Variants in SPAG17 observed in about 807,000 individuals in gnomAD.
The protein encoded by SPAG17 is sperm associated antigen 17.
SPAG17 carries 169 observed loss-of-function variants against 273.6 expected under a neutral mutation model. The ratio of observed to expected loss-of-function variants is 0.62; its 90% CI spans 0.55 to 0.70. The LOEUF (loss-of-function observed/expected upper bound fraction) is 0.70. Ranked by LOEUF, SPAG17 falls within the 30% of genes least tolerant of loss-of-function variation. SPAG17 has a pLI of 0.00. For synonymous variants in SPAG17, 825 were observed against 873.2 expected, an observed-to-expected ratio of 0.94 and a Z score of 0.97; for missense variants, 2,557 against 2,627.8, an observed-to-expected ratio of 0.97 and a Z score of 0.59.
At chr1:118,135,720 T>C (rs143539371) in intron 3 of SPAG17, among the ~76,000 whole-genome samples, 1 of 152,314 alleles carries the variant, frequency 6.6e-6, no homozygotes, top group African/African-American at 2.4e-5. Flanking sequence ...CGCAAATTTC[T>C]GAGGCCAAAT....
chr1:118,097,814 T>C lies in SPAG17; in HGVS notation c.867A>G (p.Ile289Met), dbSNP rs1434976723. 3 of 1,596,978 alleles carry C rather than the reference T, an allele frequency of 1.9e-6. No individual in the cohort carries two copies. Among genetic ancestry groups the C allele is most frequent in the Non-Finnish European group, 1.7e-6 (2 of 1,175,096 alleles). Residue 289 changes from isoleucine (I) to methionine (M), a missense_variant, in exon 7 of 49, where the codon ATA becomes ATG. Ile to Met is a conservative substitution (Grantham distance 10, BLOSUM62 1). Coordinates refer to ENST00000336338, the MANE Select transcript of SPAG17 (RefSeq NM_206996.4). ...ACTTCCAGAAAGTTTTAAGCTCTTT[T>C]ATGGCATTTTCTTTCTTCAATTTTT... ...EAEKLKKENAIKELKTFWKYL... is the reference protein window; with the variant it reads ...EAEKLKKENAMKELKTFWKYL...
intron 1 of SPAG17, among the ~76,000 whole-genome samples, chr1:118,179,605 G>A (rs1176001758): frequency 6.6e-6 from 1 of 151,886 alleles, no homozygotes; most frequent in African/African-American, 2.4e-5. Flanking sequence ...ATCATATCAA[G>A]TTAAAAAGCT....
At chr1:118,172,146 C>T (rs142757258) in intron 1 of SPAG17, among the ~76,000 whole-genome samples, 28 of 152,248 alleles carry the variant, frequency 1.8e-4, no homozygotes, top group African/African-American at 6.0e-4. Flanking sequence ...GAAGCAAGAC[C>T]TAGCAGTCTC....
intron 30 of SPAG17, among the ~76,000 whole-genome samples, chr1:118,010,995 G>A (rs1271947803): frequency 6.6e-6 from 1 of 152,146 alleles, no homozygotes; most frequent in African/African-American, 2.4e-5. Flanking sequence ...GAACATTAGA[G>A]AAATGCAAAT....
At chr1:118,168,735 C>T (rs1219408543) in intron 1 of SPAG17, among the ~76,000 whole-genome samples, 1 of 152,112 alleles carries the variant, frequency 6.6e-6, no homozygotes, top group African/African-American at 2.4e-5. Flanking sequence ...AGGTAACAAT[C>T]ATTGAAGTAG....
chr1:118,001,790 T>C (rs889245844), intron 32 of SPAG17, among the ~76,000 whole-genome samples: 2 of 152,212 alleles, frequency 1.3e-5, no homozygotes, highest in African/African-American at 2.4e-5. Flanking sequence ...AATTCATTGA[T>C]TTTTTGAAGG....
At chr1:118,042,209 T>C (rs145745806) in intron 20 of SPAG17, among the ~76,000 whole-genome samples, 167 bp from the exon 21 acceptor site, 1 of 152,186 alleles carries the variant, frequency 6.6e-6, no homozygotes, top group Non-Finnish European at 1.5e-5. Context: ...TCTTTCTCAC[T>C]CAACTTCTGT....
rs757004165 is a variant in SPAG17, at chr1:118,025,409, A to G, written c.3738T>C (p.Tyr1246=). The part of the protein sequence containing the change: ...TFIGQESTGQ[Y]VIDEEPTWDI... ...CCCAGGTGGGTTCCTCATCTATAAC[A>G]TATTGACCTAAAAAAAGAATAAAGC... Residue 1246 remains tyrosine, a synonymous_variant, in exon 27 of 49, where the codon TAT becomes TAC. Coordinates refer to ENST00000336338, the MANE Select transcript of SPAG17 (RefSeq NM_206996.4). 3.6e-5 allele frequency: 55 copies of G among 1,542,374 alleles called. No homozygotes were observed. The highest frequency in any genetic ancestry group is 5.6e-5 in the African/African-American group (4 of 71,562).
At chr1:117,994,831 T>C (rs1301518813) in intron 34 of SPAG17, among the ~76,000 whole-genome samples, 1 of 152,082 alleles carries the variant, frequency 6.6e-6, no homozygotes, top group Non-Finnish European at 1.5e-5. Context: ...AGTCCATCTT[T>C]TTCCCTCTCT....
At chr1:118,056,701 A>G (rs940015187) in intron 18 of SPAG17, among the ~76,000 whole-genome samples, 33 of 152,238 alleles carry the variant, frequency 2.2e-4, no homozygotes, top group Non-Finnish European at 4.4e-4. Context: ...TAGATGGCTT[A>G]TATACTCAGG....
At chr1:118,105,403 T>C (rs1656334386) in intron 4 of SPAG17, among the ~76,000 whole-genome samples, 1 of 152,156 alleles carries the variant, frequency 6.6e-6, no homozygotes. Context: ...ATTCCTCCAT[T>C]TATGTTTAGC....
chr1:118,046,039 T>C (rs1650314704), intron 20 of SPAG17, among the ~76,000 whole-genome samples: 1 of 151,982 alleles, frequency 6.6e-6, no homozygotes, highest in Non-Finnish European at 1.5e-5. Flanking sequence ...ATGGACTATA[T>C]AAAACAATTA....
chr1:118,113,699 G>A (rs1656903411), intron 4 of SPAG17, among the ~76,000 whole-genome samples: 1 of 151,952 alleles, frequency 6.6e-6, no homozygotes, highest in African/African-American at 2.4e-5. Context: ...AAAACTCTAA[G>A]GTTCATGCCC....
chr1:118,086,094 A>G (rs373212982), intron 12 of SPAG17, 22 bp from the exon 13 acceptor site: 2 of 1,612,262 alleles, frequency 1.2e-6, no homozygotes, highest in African/African-American at 2.7e-5. Context: ...GAGCAACATG[A>G]CAGAAGACAT....
At chr1:118,021,004 A>G (rs1660447817) in intron 28 of SPAG17, among the ~76,000 whole-genome samples, 1 of 152,196 alleles carries the variant, frequency 6.6e-6, no homozygotes, top group Admixed American at 6.5e-5. Flanking sequence ...CAGTGACCAT[A>G]TGGCCCACAA....
At chr1:118,095,430 G>A (rs1655646974) in intron 7 of SPAG17, among the ~76,000 whole-genome samples, 1 of 152,210 alleles carries the variant, frequency 6.6e-6, no homozygotes, top group Admixed American at 6.5e-5. Flanking sequence ...CTTAGAAGCA[G>A]CCTCCTCTGA....
chr1:117,972,112 AGTCCCTGTCACCAGAGG>A, intron 44 of SPAG17, 65 bp from the exon 45 acceptor site: 4 of 1,280,676 alleles, frequency 3.1e-6, no homozygotes, highest in Non-Finnish European at 4.3e-6. Flanking sequence ...AAAAAAAAAA[AGTCCCTGTCACCAGAGG>A]AAAATAACTG....
rs1011939873 is a variant in SPAG17 at position 118,101,192 on chromosome 1, G to A, written c.634+548C>T. ...CACTGTGGGAGGCTGAGGAGGGAGA[G>A]TCACTTGAGCCCAGGTGTTCAAGGC... On this transcript the variant is annotated intron_variant, in intron 5 of 48. Transcript: ENST00000336338. 7.9e-5 allele frequency among the ~76,000 whole-genome samples: 12 copies of A among 152,228 alleles called. No individual in the cohort carries two copies. The Middle Eastern group carries it at 0.01, about 129-fold the overall frequency.
At chr1:118,071,252 C>T (rs574713362) in intron 17 of SPAG17, among the ~76,000 whole-genome samples, 51 of 149,834 alleles carry the variant, frequency 3.4e-4, no homozygotes, top group Middle Eastern at 3.4e-3. Flanking sequence ...AAAATGAAGA[C>T]GAAACAAAAA....
Sources: gnomAD v4.1 joint callset for allele counts (sites outside exome capture counted in the v4.1 genomes callset) on GRCh38, gnomAD v4.1.1 for gene constraint, MANE v1.5 for transcripts, NCBI Gene and HGNC (gene_info 2026-07-23, HGNC 2026-07-21) for gene names.